The following PSMB7 variants were observed in gnomAD, a reference collection of about 807,000 sequenced individuals.
PSMB7 encodes the protein proteasome subunit beta type-7.
In PSMB7, 5 loss-of-function variants were observed where a neutral mutation model predicts 28.1. The observed-to-expected ratio is 0.18, with a 90% CI of 0.09 to 0.37. The LOEUF (loss-of-function observed/expected upper bound fraction) is 0.37. Ranked by LOEUF, PSMB7 falls within the 10% of genes least tolerant of loss-of-function variation. The pLI is 1.00. For missense variants in PSMB7, 275 were observed against 346.2 expected (o/e 0.79, Z 1.63); for synonymous variants, 122 against 123.7 (o/e 0.99, Z 0.09).
intron 4 of PSMB7, among the ~76,000 whole-genome samples, chr9:124,407,961 A>T (rs1039226906): frequency 1.1e-3 from 175 of 152,346 alleles, no homozygotes; most frequent in African/African-American, 3.9e-3. Flanking sequence ...AGCCTAAGCA[A>T]CATAGTGAGA....
intron 5 of PSMB7, among the ~76,000 whole-genome samples, chr9:124,397,046 G>A (rs150617172): frequency 1.1e-4 from 16 of 152,276 alleles, no homozygotes; most frequent in Non-Finnish European, 2.2e-4. Flanking sequence ...AAACCGACGG[G>A]ATCCTTTTTC....
chr9:124,357,001 C>G lies in PSMB7; in HGVS notation c.571-86G>C. The stretch of plus-strand genomic sequence containing the variant: ...GCAATGTACGTCCACTAGCAGTGCG[C>G]AAGACCTCCCGCGAGACAGGTGTTG... On this transcript the variant is annotated intron_variant, in intron 6 of 7. Coordinates refer to ENST00000259457, the MANE Select transcript of PSMB7 (RefSeq NM_002799.4). 3.5e-6 allele frequency: 5 copies of G among 1,438,880 alleles called. No individual in the cohort carries two copies. In the South Asian group the frequency reaches 5.0e-5, roughly 14 times the overall value. The allele number at this position is 1,438,880 out of a possible 1,614,324, so 89.1% of individuals were successfully genotyped here.
chr9:124,397,739 G>C (rs1830856830), intron 5 of PSMB7, among the ~76,000 whole-genome samples: 1 of 152,216 alleles, frequency 6.6e-6, no homozygotes, highest in African/African-American at 2.4e-5. Context: ...TCTCACTTAA[G>C]CTACAATTAC....
In PSMB7 at chr9:124,356,662, A is replaced by T; in HGVS notation, c.722+102T>A. 1 of 1,339,358 alleles carries T rather than the reference A, an allele frequency of 7.5e-7. No individual in the cohort carries two copies. Among genetic ancestry groups the T allele is most frequent in the Non-Finnish European group, 1.0e-6 (1 of 971,668 alleles). The allele number at this position is 1,339,358 out of a possible 1,614,324, so 83.0% of individuals were successfully genotyped here. A position where few individuals can be genotyped will look rare whatever the true frequency, so the allele number is the denominator to read the frequency against. On this transcript the variant is annotated intron_variant, in intron 7 of 7. Transcript: ENST00000259457. This position sits in a 1 kb window ranked among gnomAD's most constrained non-coding sequence, Gnocchi z 4.4. Reference sequence around the variant, plus strand: ...TGATTTGGGAACACTGGATGTACTTAATGTGGAAAGAACCAGGAAAACTCC... The same window carrying T: ...TGATTTGGGAACACTGGATGTACTTTATGTGGAAAGAACCAGGAAAACTCC...
Position 124,372,833 on chromosome 9 carries a change from C to T in PSMB7, c.570+11765G>A, listed in dbSNP as rs1258642230. Among the ~76,000 whole-genome samples, 8 of 152,174 alleles carry T rather than the reference C, an allele frequency of 5.3e-5. No individual in the cohort carries two copies. The East Asian group carries it at 9.6e-4, about 18-fold the overall frequency. On this transcript the variant is annotated intron_variant, in intron 6 of 7. Coordinates refer to ENST00000259457, the MANE Select transcript of PSMB7 (RefSeq NM_002799.4). ...CCACTTCTAAGTCCAGGAAGACTAACGAATCCTAGAGAATCAAGAAAGAAA... is the reference window on the plus strand; with the variant it reads ...CCACTTCTAAGTCCAGGAAGACTAATGAATCCTAGAGAATCAAGAAAGAAA...
At chr9:124,396,065 G>A (rs762690240) in intron 5 of PSMB7, among the ~76,000 whole-genome samples, 3 of 152,140 alleles carry the variant, frequency 2.0e-5, no homozygotes, top group Non-Finnish European at 4.4e-5. Flanking sequence ...AGCAACACAC[G>A]GCTATGAAGT....
chr9:124,392,824 C>T (rs1830802531), intron 5 of PSMB7, among the ~76,000 whole-genome samples: 1 of 152,216 alleles, frequency 6.6e-6, no homozygotes, highest in Non-Finnish European at 1.5e-5. Flanking sequence ...AAAAAAGCTG[C>T]TCCTTCTGCT....
At chr9:124,378,045 T>C (rs912028662) in intron 6 of PSMB7, among the ~76,000 whole-genome samples, 7 of 152,258 alleles carry the variant, frequency 4.6e-5, no homozygotes, top group Non-Finnish European at 1.5e-5. Flanking sequence ...GCAGTCTTCA[T>C]TTCTTTAAGT....
intron 5 of PSMB7, among the ~76,000 whole-genome samples, chr9:124,397,483 GT>G (rs1308259934): frequency 6.6e-6 from 1 of 152,182 alleles, no homozygotes; most frequent in East Asian, 1.9e-4. Context: ...GACAAGACAG[GT>G]GTCTTCTATT....
intron 7 of PSMB7, among the ~76,000 whole-genome samples, chr9:124,355,566 A>G (rs1189203082): frequency 6.6e-6 from 1 of 152,238 alleles, no homozygotes; most frequent in Non-Finnish European, 1.5e-5. Flanking sequence ...GAAGCAGGCT[A>G]CATGGAGTAC....
At chr9:124,386,643 C>T (rs146779347) in intron 5 of PSMB7, among the ~76,000 whole-genome samples, 2 of 152,132 alleles carry the variant, frequency 1.3e-5, no homozygotes, top group African/African-American at 4.8e-5. Flanking sequence ...GGTAATCAAC[C>T]AGAGGCCAGA....
In PSMB7 at chr9:124,353,621, C is replaced by A; in HGVS notation, c.811G>T (p.Val271Phe). Residue 271 changes from valine (V) to phenylalanine (F), a missense_variant, in exon 8 of 8, where the codon GTC (valine) becomes TTC (phenylalanine). This residue lies in a region of PSMB7 where 213 missense variants were observed against 302.4 expected (regional missense o/e 0.70). Transcript: ENST00000259457. ...PLEIEVLEET[V>F]QTMDTS ...ATTCAGGAAGTGTCCATTGTTTGGACTGTTTCTTCCAGCACCTCAATCTCC... is the reference window on the plus strand; with the variant it reads ...ATTCAGGAAGTGTCCATTGTTTGGAATGTTTCTTCCAGCACCTCAATCTCC... The A allele has an allele frequency of 1.2e-6, 2 of 1,613,464 alleles. No homozygotes were observed. The highest frequency in any genetic ancestry group is 2.2e-5 in the East Asian group (1 of 44,884).
chr9:124,358,914 G>A (rs1441182222), intron 6 of PSMB7, among the ~76,000 whole-genome samples: 3 of 152,236 alleles, frequency 2.0e-5, no homozygotes, highest in African/African-American at 7.2e-5. Flanking sequence ...GGTAGATGGG[G>A]ACAGGTGAAG....
At chr9:124,385,642 ACTAT>A (rs1434907335) in intron 5 of PSMB7, among the ~76,000 whole-genome samples, 5 of 152,220 alleles carry the variant, frequency 3.3e-5, no homozygotes, top group Non-Finnish European at 1.5e-5. Flanking sequence ...TTTGCATAAC[ACTAT>A]CTATTTAGCT....
chr9:124,411,658 T>C (rs540121913), intron 4 of PSMB7, among the ~76,000 whole-genome samples: 53 of 152,250 alleles, frequency 3.5e-4, no homozygotes, highest in South Asian at 2.5e-3. Flanking sequence ...CATAAAGTAA[T>C]GACGCAATTA....
chr9:124,370,810 G>C (rs948485670), intron 6 of PSMB7, among the ~76,000 whole-genome samples: 5 of 152,088 alleles, frequency 3.3e-5, no homozygotes, highest in South Asian at 2.1e-4. Flanking sequence ...TTATAGTTTA[G>C]GTTAATTTAC....
chr9:124,360,370 T>C (rs1830454146), intron 6 of PSMB7, among the ~76,000 whole-genome samples: 2 of 152,144 alleles, frequency 1.3e-5, no homozygotes, highest in Admixed American at 6.5e-5. Context: ...AGATGCAGAG[T>C]GACCTAGGGC....
intron 6 of PSMB7, among the ~76,000 whole-genome samples, chr9:124,365,578 T>C (rs952132769): frequency 1.3e-5 from 2 of 152,128 alleles, no homozygotes; most frequent in African/African-American, 2.4e-5. Flanking sequence ...CCACGTAACA[T>C]TTTGGACAAC....
chr9:124,406,993 T>A (rs567056142), intron 4 of PSMB7, among the ~76,000 whole-genome samples: 1 of 151,786 alleles, frequency 6.6e-6, no homozygotes, highest in African/African-American at 2.4e-5. Context: ...TCTCAAAAAA[T>A]AAAAAATAAA....
Sources: allele counts gnomAD v4.1 joint callset (sites outside exome capture counted in the v4.1 genomes callset), GRCh38; gene constraint gnomAD v4.1.1; regional missense constraint gnomAD v4.1.1; non-coding constraint Gnocchi (gnomAD v3.1); transcripts MANE v1.5; gene names NCBI Gene and HGNC (gene_info 2026-07-23, HGNC 2026-07-21).